The following CRISPLD2 variants were observed in gnomAD, a reference collection of about 807,000 sequenced individuals.
The protein encoded by CRISPLD2 is cysteine rich secretory protein LCCL domain containing 2.
A neutral mutation model predicts 71.1 loss-of-function variants in CRISPLD2; 47 were observed. The ratio of observed to expected loss-of-function variants is 0.66; its 90% CI spans 0.52 to 0.84. The LOEUF is 0.84. Ranked by LOEUF, CRISPLD2 falls within the 40% of genes least tolerant of loss-of-function variation. The pLI, the probability that CRISPLD2 is intolerant of heterozygous loss-of-function variation, is 0.00. For missense variants in CRISPLD2, 830 were observed against 651.1 expected, an observed-to-expected ratio of 1.27 and a Z score of -2.99; for synonymous variants, 317 against 250.1, an observed-to-expected ratio of 1.27 and a Z score of -2.52.
At chr16:84,879,272 A>G (rs976051508) in intron 12 of CRISPLD2, among the ~76,000 whole-genome samples, 1 of 152,258 alleles carries the variant, frequency 6.6e-6, no homozygotes, top group South Asian at 2.1e-4. Flanking sequence ...AAAACTTGAC[A>G]CAGTGCAATA....
chr16:84,821,521 A>G (rs2143120491), intron 1 of CRISPLD2, among the ~76,000 whole-genome samples: 1 of 152,234 alleles, frequency 6.6e-6, no homozygotes, highest in South Asian at 2.1e-4. Context: ...CTTGCCTAAG[A>G]TCCCCCAGCT....
At chr16:84,832,245 C>T (rs998045950) in intron 1 of CRISPLD2, among the ~76,000 whole-genome samples, 7 of 152,250 alleles carry the variant, frequency 4.6e-5, no homozygotes, top group African/African-American at 1.7e-4. Flanking sequence ...TTTCCTTCCT[C>T]ACAGCCGTAG....
intron 1 of CRISPLD2, among the ~76,000 whole-genome samples, chr16:84,835,631 A>G (rs1343763414): frequency 6.6e-6 from 1 of 152,188 alleles, no homozygotes; most frequent in Non-Finnish European, 1.5e-5. Flanking sequence ...CACTTGGAGA[A>G]ACCCTCCCAT....
chr16:84,825,334 G>A (rs1016513771), intron 1 of CRISPLD2, among the ~76,000 whole-genome samples: 4 of 152,156 alleles, frequency 2.6e-5, no homozygotes, highest in Non-Finnish European at 5.9e-5. Context: ...AGGTCTAGGC[G>A]GGAGGATTGC....
chr16:84,875,491 A>G (rs1225807299), intron 11 of CRISPLD2, among the ~76,000 whole-genome samples: 3 of 145,674 alleles, frequency 2.1e-5, no homozygotes, highest in African/African-American at 7.8e-5. Context: ...GCCCAAGACA[A>G]TTCTTTTTCC....
chr16:84,873,361 C>A (rs1416628044), intron 10 of CRISPLD2: 2 of 318,432 alleles, frequency 6.3e-6, no homozygotes, highest in African/African-American at 4.5e-5. Flanking sequence ...ACCTGTAATC[C>A]CAGCTACTCT....
At chr16:84,882,181 C>A (rs2071573818) in intron 13 of CRISPLD2, among the ~76,000 whole-genome samples, 1 of 151,868 alleles carries the variant, frequency 6.6e-6, no homozygotes, top group Non-Finnish European at 1.5e-5. Flanking sequence ...CAAACAAACA[C>A]ATGAAAAGCA....
chr16:84,892,846 C>G (rs1173236098), intron 14 of CRISPLD2, among the ~76,000 whole-genome samples: 2 of 151,734 alleles, frequency 1.3e-5, no homozygotes, highest in African/African-American at 4.8e-5. Flanking sequence ...CATGGTGGTG[C>G]ACGCCTGTAA....
intron 10 of CRISPLD2, 22 bp from the exon 11 acceptor site, chr16:84,873,898 T>C (rs773268841): frequency 3.7e-5 from 51 of 1,374,744 alleles, no homozygotes; most frequent in Non-Finnish European, 4.9e-5. Flanking sequence ...TGCCCGTTTT[T>C]TTTTTTTTTT....
At chr16:84,889,138 A>C in intron 13 of CRISPLD2, 92 bp from the exon 14 acceptor site, 1 of 1,546,234 alleles carries the variant, frequency 6.5e-7, no homozygotes, top group Non-Finnish European at 8.9e-7. Flanking sequence ...CCCACCAGCC[A>C]GGTTGCCCAG....
intron 14 of CRISPLD2, among the ~76,000 whole-genome samples, chr16:84,899,112 A>C (rs139187889): frequency 1.6e-4 from 24 of 151,972 alleles, no homozygotes; most frequent in African/African-American, 5.8e-4. Flanking sequence ...GCTGATCTCA[A>C]ACTCCTGGGT....
At chr16:84,847,431 T>C (rs543442966) in intron 3 of CRISPLD2, among the ~76,000 whole-genome samples, 14 of 152,206 alleles carry the variant, frequency 9.2e-5, no homozygotes, top group Non-Finnish European at 1.6e-4. Context: ...GTGGGCAGAA[T>C]ACAAGGTCAG....
chr16:84,833,790 G>T (rs1039281272), intron 1 of CRISPLD2, among the ~76,000 whole-genome samples: 1 of 152,158 alleles, frequency 6.6e-6, no homozygotes, highest in African/African-American at 2.4e-5. Context: ...CTCCCATGGG[G>T]GTGACACGTT....
At chr16:84,870,283 T>G (rs1057213552) in intron 8 of CRISPLD2, among the ~76,000 whole-genome samples, 1 of 152,106 alleles carries the variant, frequency 6.6e-6, no homozygotes, top group African/African-American at 2.4e-5. Flanking sequence ...AGTCTTTTTT[T>G]CTGTGTACAG....
chr16:84,880,157 A>G (rs374504644), intron 12 of CRISPLD2, among the ~76,000 whole-genome samples: 14 of 152,238 alleles, frequency 9.2e-5, no homozygotes, highest in Admixed American at 5.2e-4. Flanking sequence ...TCCATAATGT[A>G]CCCACAGTGT....
At chr16:84,900,022 CCCTGGAATCTGAA>C (rs2071739494) in intron 14 of CRISPLD2, among the ~76,000 whole-genome samples, 1 of 152,088 alleles carries the variant, frequency 6.6e-6, no homozygotes, top group Admixed American at 6.5e-5. Flanking sequence ...CTGAGGAGGG[CCCTGGAATCTGAA>C]CTTTCCAGAA....
In CRISPLD2 at chr16:84,908,438, G is replaced by C. The variant is rs1393716009; in HGVS notation, c.*1796G>C. On this transcript the variant is annotated 3_prime_UTR_variant, in exon 15 of 15. Transcript: ENST00000262424. ...CTGGGTGCTCTGCTGCTGGACTTTT[G>C]TGGCTGTGTCTGTGTCTGCAAGATA... 6.6e-6 allele frequency: 1 copy of C among 152,408 alleles called. No individual in the cohort carries two copies. The highest frequency in any genetic ancestry group is 2.4e-5 in the African/African-American group (1 of 41,442). 9.4% of individuals were successfully genotyped at this position (152,408 alleles called of 1,614,324 possible).
intron 2 of CRISPLD2, among the ~76,000 whole-genome samples, chr16:84,845,433 G>A (rs564643674): frequency 2.1e-4 from 32 of 152,340 alleles, no homozygotes; most frequent in African/African-American, 7.0e-4. Context: ...GGCCAAGACC[G>A]TCCCTAGAGA....
At chr16:84,882,089 A>C (rs867767119) in intron 13 of CRISPLD2, among the ~76,000 whole-genome samples, 2 of 152,184 alleles carry the variant, frequency 1.3e-5, no homozygotes, top group Admixed American at 1.3e-4. Context: ...GTTTGAACCA[A>C]ATTCTACCAT....
Sources: gnomAD v4.1 joint callset for allele counts (sites outside exome capture counted in the v4.1 genomes callset) on GRCh38, gnomAD v4.1.1 for gene constraint, MANE v1.5 for transcripts, NCBI Gene and HGNC (gene_info 2026-07-23, HGNC 2026-07-21) for gene names.